The following LRRIQ1 variants were observed in gnomAD, a reference collection of about 807,000 sequenced individuals.
LRRIQ1 encodes leucine-rich repeat- and IQ domain-containing protein 1.
Under a neutral mutation model 211.9 loss-of-function variants are expected in LRRIQ1, and 210 were observed. The ratio of observed to expected loss-of-function variants is 0.99; its 90% confidence interval spans 0.89 to 1.11. The LOEUF is 1.11. Ranked by LOEUF, LRRIQ1 falls within the 50% of genes most tolerant of loss-of-function variation. The pLI, the probability that LRRIQ1 is intolerant of heterozygous loss-of-function variation, is 0.00. For synonymous variants in LRRIQ1, 699 were observed against 650.1 expected (o/e 1.08, Z -1.14); for missense variants, 2,136 against 1,939.5 (o/e 1.10, Z -1.90).
At chr12:85,130,881 C>T (rs1888701349) in intron 18 of LRRIQ1, among the ~76,000 whole-genome samples, 1 of 151,978 alleles carries the variant, frequency 6.6e-6, no homozygotes. Context: ...CCAAGCTTTC[C>T]TTGCAATTGA....
At chr12:85,125,855 T>C (rs2136457080) in intron 17 of LRRIQ1, among the ~76,000 whole-genome samples, 1 of 152,124 alleles carries the variant, frequency 6.6e-6, no homozygotes, top group Admixed American at 6.5e-5. Context: ...AGCCAAATGA[T>C]GATAGTAAGT....
intron 24 of LRRIQ1, among the ~76,000 whole-genome samples, chr12:85,190,392 T>G (rs1892448170): frequency 1.4e-5 from 2 of 146,786 alleles, no homozygotes; most frequent in South Asian, 4.2e-4. Flanking sequence ...AGTTAATGTA[T>G]ATCATTAACT....
intron 10 of LRRIQ1, among the ~76,000 whole-genome samples, chr12:85,069,812 G>T (rs1327069699): frequency 9.2e-5 from 14 of 151,694 alleles, no homozygotes; most frequent in South Asian, 2.1e-4. Flanking sequence ...TGAGTTTGTT[G>T]GAGTTCATTG....
intron 24 of LRRIQ1, among the ~76,000 whole-genome samples, chr12:85,202,045 C>T (rs933780569): frequency 6.6e-6 from 1 of 151,794 alleles, no homozygotes; most frequent in Non-Finnish European, 1.5e-5. Context: ...TATTACTTAC[C>T]CAAAAGTCAT....
chr12:85,176,693 GTAAC>G (rs1216403059), intron 24 of LRRIQ1, among the ~76,000 whole-genome samples: 3 of 150,990 alleles, frequency 2.0e-5, no homozygotes, highest in African/African-American at 7.3e-5. Context: ...GTATACATAT[GTAAC>G]TAACCTGCAC....
At chr12:85,104,979 G>T (rs943291679) in intron 14 of LRRIQ1, among the ~76,000 whole-genome samples, 2 of 152,012 alleles carry the variant, frequency 1.3e-5, no homozygotes, top group African/African-American at 4.8e-5. Context: ...GTTTTAGTTT[G>T]CATTGACCTG....
chr12:85,172,366 C>CT (rs1891461750), intron 24 of LRRIQ1, among the ~76,000 whole-genome samples: 1 of 152,144 alleles, frequency 6.6e-6, no homozygotes, highest in Non-Finnish European at 1.5e-5. Context: ...AGAATATTGC[C>CT]TTTTATCTAA....
At chr12:85,145,672 C>G (rs1206551305) in intron 19 of LRRIQ1, among the ~76,000 whole-genome samples, 1 of 151,612 alleles carries the variant, frequency 6.6e-6, no homozygotes, top group African/African-American at 2.4e-5. Context: ...TAGTCTTGAG[C>G]CTAGGATATC....
chr12:85,191,793 G>A (rs1487519515), intron 24 of LRRIQ1, among the ~76,000 whole-genome samples: 2 of 151,846 alleles, frequency 1.3e-5, no homozygotes, highest in African/African-American at 4.8e-5. Context: ...CATTCTCATT[G>A]TTTTGGATAT....
At position 85,056,334 on chromosome 12, in the gene LRRIQ1, A is replaced by C; in HGVS notation, c.1541A>C (p.Asn514Thr). The change falls in exon 8 of 27, where the codon AAC (asparagine) becomes ACC (threonine). Residue 514 changes from asparagine (N) to threonine (T), a missense_variant. Asn to Thr is a moderately conservative substitution (Grantham distance 65). Coordinates refer to ENST00000393217, the MANE Select transcript of LRRIQ1 (RefSeq NM_001079910.2). ...ENTDNKTELG[N>T]SDLKGNLKEQ... The stretch of plus-strand genomic sequence containing the variant: ...ACAGATAACAAAACTGAATTGGGAA[A>C]CTCTGATCTAAAAGGAAATCTGAAA... The C allele has an allele frequency of 1.3e-6, 2 of 1,597,510 alleles. No homozygotes were observed. The highest frequency in any genetic ancestry group is 1.7e-6 in the Non-Finnish European group (2 of 1,175,678).
chr12:85,037,359 G>A (rs1878257368), intron 1 of LRRIQ1, among the ~76,000 whole-genome samples: 1 of 151,636 alleles, frequency 6.6e-6, no homozygotes, highest in Non-Finnish European at 1.5e-5. Context: ...GTATACCCGT[G>A]CATTTTGCTT....
chr12:85,247,566 A>G (rs538031760), downstream of LRRIQ1, among the ~76,000 whole-genome samples: 1 of 151,720 alleles, frequency 6.6e-6, no homozygotes, highest in East Asian at 1.9e-4. Context: ...CTCTAACATT[A>G]AGTTTACTGT....
chr12:85,190,006 A>C lies in LRRIQ1; in HGVS notation c.4822+29292A>C, dbSNP rs1043794802. Reference sequence around the variant, plus strand: ...CAGTATATTATATTATATATAATTTAATATGTTATAATTTTAATTATATAT... The same window carrying C: ...CAGTATATTATATTATATATAATTTCATATGTTATAATTTTAATTATATAT... On this transcript the variant is annotated intron_variant, in intron 24 of 26. Transcript: ENST00000393217. Among the ~76,000 whole-genome samples the C allele has an allele frequency of 1.6e-4, 23 of 141,866 alleles. 1 individual carries two copies. The East Asian group carries it at 2.9e-3, about 18-fold the overall frequency. The allele number at this position is 141,866 out of a possible 152,430, so 93.1% of individuals were successfully genotyped here.
At chr12:85,263,608 T>C (rs1896357259) in exon 2 of LRRIQ1, 1 of 151,976 alleles carries the variant, frequency 6.6e-6, no homozygotes, top group Non-Finnish European at 1.5e-5. Context: ...TATAGTCAGT[T>C]TAAATTAAAA....
chr12:85,045,935 A>G, intron 4 of LRRIQ1, 85 bp from the exon 5 acceptor site: 1 of 629,882 alleles, frequency 1.6e-6, no homozygotes, highest in Non-Finnish European at 2.7e-6. Flanking sequence ...GTATATACAT[A>G]TAAATATTTA....
At position 85,174,701 on chromosome 12, in the gene LRRIQ1, C is replaced by CAAAAAAAAAAAAAAAAAAAAAAAAAA. The variant is rs71076115; in HGVS notation, c.4822+14009_4822+14010insAAAAAAAAAAAAAAAAAAAAAAAAAA. Among the ~76,000 whole-genome samples the CAAAAAAAAAAAAAAAAAAAAAAAAAA allele has an allele frequency of 1.7e-3, 36 of 21,596 alleles. 5 individuals are homozygous for CAAAAAAAAAAAAAAAAAAAAAAAAAA. The highest frequency in any genetic ancestry group is 2.0e-3 in the Admixed American group (3 of 1,488). 14.2% of individuals were successfully genotyped at this position (21,596 alleles called of 152,430 possible). ...TGGGTGACAGAGCAAGAGTACAGCT[C>CAAAAAAAAAAAAAAAAAAAAAAAAAA]AAAAAAAAAAAAAAAAAAAAAATCT... On this transcript the variant is annotated intron_variant, in intron 24 of 26. Coordinates refer to ENST00000393217, the MANE Select transcript of LRRIQ1 (RefSeq NM_001079910.2).
intron 24 of LRRIQ1, among the ~76,000 whole-genome samples, chr12:85,212,559 A>G (rs1893884051): frequency 6.6e-6 from 1 of 151,940 alleles, no homozygotes. Flanking sequence ...ATAATATGAA[A>G]TGTAATGTTA....
At chr12:85,227,050 G>A (rs1434288792) in intron 24 of LRRIQ1, among the ~76,000 whole-genome samples, 1 of 150,984 alleles carries the variant, frequency 6.6e-6, no homozygotes, top group Non-Finnish European at 1.5e-5. Flanking sequence ...GCCCAGTAAT[G>A]GGATGTCTGG....
At chr12:85,113,363 T>C (rs1887322723) in intron 15 of LRRIQ1, among the ~76,000 whole-genome samples, 1 of 152,106 alleles carries the variant, frequency 6.6e-6, no homozygotes, top group African/African-American at 2.4e-5. Flanking sequence ...CAGGTTTGTG[T>C]TGTAGCATTT....
Sources: allele counts gnomAD v4.1 joint callset (sites outside exome capture counted in the v4.1 genomes callset), GRCh38; gene constraint gnomAD v4.1.1; transcripts MANE v1.5; gene names NCBI Gene and HGNC (gene_info 2026-07-23, HGNC 2026-07-21).